Variants in GALNT13 observed in about 807,000 individuals in gnomAD.
GALNT13 encodes the protein polypeptide N-acetylgalactosaminyltransferase 13.
Under a neutral mutation model 64.2 loss-of-function variants are expected in GALNT13, and 28 were observed. The ratio of observed to expected loss-of-function variants is 0.44; its 90% CI spans 0.32 to 0.60. GALNT13 has a LOEUF of 0.60. GALNT13 is among the 20% of genes least tolerant of loss of function. The probability of loss-of-function intolerance (pLI) is 0.05; values close to 1 mark genes in which losing one functional copy is unlikely to be tolerated. For missense variants in GALNT13, 577 were observed against 669.8 expected, an observed-to-expected ratio of 0.86 and a Z score of 1.53; for synonymous variants, 214 against 224.6, an observed-to-expected ratio of 0.95 and a Z score of 0.42.
chr2:154,029,615 CT>C (rs1039517369), intron 3 of GALNT13, among the ~76,000 whole-genome samples: 12 of 152,114 alleles, frequency 7.9e-5, no homozygotes, highest in African/African-American at 2.9e-4. Context: ...TTTACTCATT[CT>C]TTAATGTCCT....
At chr2:153,380,291 A>G in the GALNT13 span, among the ~76,000 whole-genome samples, 1 of 152,258 alleles carries the variant, frequency 6.6e-6, no homozygotes, top group East Asian at 1.9e-4. Flanking sequence ...GTTAGGTACT[A>G]TAAGTAATCT....
chr2:153,561,641 C>CTGTGTGTGTG, the GALNT13 span, among the ~76,000 whole-genome samples: 3,493 of 146,540 alleles, frequency 0.024, 122 homozygotes, highest in African/African-American at 0.075. Context: ...GATGTTCAAC[C>CTGTGTGTGTG]TGTGTGTGTG....
In GALNT13 at chr2:154,328,935, GAC is replaced by G. The variant is rs796895957; in HGVS notation, c.1156+27347_1156+27348del. ...GACATTAAGCATCAATTATTTTTCA[GAC>G]CATCAATATTTCTTCCTCTTAAAAG... On this transcript the variant is annotated intron_variant, in intron 9 of 12. Transcript: ENST00000392825. 2.0e-5 allele frequency among the ~76,000 whole-genome samples: 3 copies of G among 152,088 alleles called. No homozygotes were observed. The East Asian group carries it at 5.8e-4, about 29-fold the overall frequency.
intron 3 of GALNT13, among the ~76,000 whole-genome samples, chr2:154,006,972 G>A (rs543233892): frequency 6.6e-6 from 1 of 152,292 alleles, no homozygotes; most frequent in East Asian, 1.9e-4. Flanking sequence ...ACTGTGACTA[G>A]ATTCAATTTT....
chr2:153,112,364 A>C, the GALNT13 span, among the ~76,000 whole-genome samples: 6 of 152,088 alleles, frequency 3.9e-5, no homozygotes, highest in African/African-American at 1.4e-4. Context: ...ATCAGTGCCT[A>C]TGACTGGGTG....
the GALNT13 span, among the ~76,000 whole-genome samples, chr2:153,766,145 A>ATT: frequency 6.9e-6 from 1 of 144,892 alleles, no homozygotes; most frequent in African/African-American, 2.5e-5. Flanking sequence ...CATGGTTGGC[A>ATT]TTTTTTTTTT....
chr2:153,366,584 A>G, the GALNT13 span, among the ~76,000 whole-genome samples: 1 of 152,066 alleles, frequency 6.6e-6, no homozygotes, highest in African/African-American at 2.4e-5. Flanking sequence ...AGAAAGAGAC[A>G]AGAAAGAAAA....
chr2:154,363,871 G>A (rs1697215837), intron 9 of GALNT13, among the ~76,000 whole-genome samples: 1 of 152,072 alleles, frequency 6.6e-6, no homozygotes, highest in Admixed American at 6.5e-5. Context: ...CTGCCTAGTG[G>A]GTAGGCATAG....
At chr2:153,231,163 G>A in the GALNT13 span, among the ~76,000 whole-genome samples, 7 of 152,116 alleles carry the variant, frequency 4.6e-5, no homozygotes, top group African/African-American at 1.4e-4. Context: ...AATGTAGGCC[G>A]ATGACATACA....
the GALNT13 span, among the ~76,000 whole-genome samples, chr2:153,204,113 A>G: frequency 6.6e-6 from 1 of 152,338 alleles, no homozygotes; most frequent in Middle Eastern, 3.4e-3. Context: ...ACCAGTGTGT[A>G]TAACTGTAGA....
At chr2:153,346,895 A>G in the GALNT13 span, among the ~76,000 whole-genome samples, 1 of 152,214 alleles carries the variant, frequency 6.6e-6, no homozygotes, top group Non-Finnish European at 1.5e-5. Flanking sequence ...ACTGAGGCTT[A>G]TAAATATTTC....
the GALNT13 span, among the ~76,000 whole-genome samples, chr2:153,464,116 G>A: frequency 2.0e-5 from 3 of 151,980 alleles, no homozygotes; most frequent in African/African-American, 7.3e-5. Flanking sequence ...CCCATTAGCT[G>A]GTCACCTGGA....
chr2:154,453,644 A>G lies in GALNT13; in HGVS notation c.*3093A>G, dbSNP rs1701957652. On this transcript the variant is annotated 3_prime_UTR_variant, in exon 13 of 13. Coordinates refer to ENST00000392825, the MANE Select transcript of GALNT13 (RefSeq NM_052917.4). ...CCCCAGCCCCAAACATGCCCATCAC[A>G]TGCCCTAGAAGGTAAGTCCCATGAA... 6.6e-6 allele frequency: 1 copy of G among 152,070 alleles called. No homozygotes were observed. The highest frequency in any genetic ancestry group is 1.5e-5 in the Non-Finnish European group (1 of 68,018). 9.4% of individuals were successfully genotyped at this position (152,070 alleles called of 1,614,324 possible).
At chr2:154,210,808 T>C (rs754741824) in intron 4 of GALNT13, among the ~76,000 whole-genome samples, 1 of 152,140 alleles carries the variant, frequency 6.6e-6, no homozygotes, top group Non-Finnish European at 1.5e-5. Flanking sequence ...ATGGTGGTTT[T>C]AGCTAAGAAA....
intron 8 of GALNT13, among the ~76,000 whole-genome samples, chr2:154,294,236 A>G (rs376915756): frequency 6.6e-6 from 1 of 152,246 alleles, no homozygotes; most frequent in African/African-American, 2.4e-5. Context: ...TATTTAAGAA[A>G]TGCCTTTATC....
In GALNT13 at chr2:154,086,786, G is replaced by A. The variant is rs144352897; in HGVS notation, c.143-53551G>A. On this transcript the variant is annotated intron_variant, in intron 3 of 12. Coordinates refer to ENST00000392825, the MANE Select transcript of GALNT13 (RefSeq NM_052917.4). ...AGCATACGCGCACACACACACACACGCGCACGCGATAGGATCCAGATTGAT... is the reference window on the plus strand; with the variant it reads ...AGCATACGCGCACACACACACACACACGCACGCGATAGGATCCAGATTGAT... Among the ~76,000 whole-genome samples the A allele has an allele frequency of 8.9e-4, 136 of 152,036 alleles. 2 individuals carry two copies. The East Asian group carries it at 0.021, about 24-fold the overall frequency.
chr2:154,168,552 T>C (rs1367477337), intron 4 of GALNT13, among the ~76,000 whole-genome samples: 2 of 151,760 alleles, frequency 1.3e-5, no homozygotes, highest in African/African-American at 2.4e-5. Flanking sequence ...GAAAGAGATT[T>C]GGCCGGGTGT....
intron 3 of GALNT13, among the ~76,000 whole-genome samples, chr2:154,018,270 C>T (rs1304461422): frequency 2.0e-5 from 3 of 152,122 alleles, no homozygotes; most frequent in African/African-American, 7.2e-5. Context: ...TTATTCCGTC[C>T]TGTAAACTGC....
intron 3 of GALNT13, among the ~76,000 whole-genome samples, chr2:154,093,179 A>G (rs927395569): frequency 3.3e-5 from 5 of 152,036 alleles, no homozygotes; most frequent in African/African-American, 7.2e-5. Flanking sequence ...AATAGGTAGT[A>G]AATGGTGAAT....
Sources: gnomAD v4.1 joint callset for allele counts (sites outside exome capture counted in the v4.1 genomes callset) on GRCh38, gnomAD v4.1.1 for gene constraint, MANE v1.5 for transcripts, NCBI Gene and HGNC (gene_info 2026-07-23, HGNC 2026-07-21) for gene names.